Variants in SLC30A9 observed in about 807,000 individuals in gnomAD.
SLC30A9 encodes the protein proton-coupled zinc antiporter SLC30A9, mitochondrial.
SLC30A9 carries 58 observed loss-of-function variants against 87.5 expected under a neutral mutation model. That is an observed-to-expected ratio of 0.66 (90% CI 0.54 to 0.82). The LOEUF (loss-of-function observed/expected upper bound fraction) is 0.82, where lower values mean the gene tolerates loss of function less well. Ranked by LOEUF, SLC30A9 falls within the 40% of genes least tolerant of loss-of-function variation. SLC30A9 has a pLI of 0.00. For missense variants in SLC30A9, 557 were observed against 679.1 expected (o/e 0.82, Z 2.00); for synonymous variants, 234 against 233.0 (o/e 1.00, Z -0.04).
chr4:42,073,263 G>A (rs905467957), intron 15 of SLC30A9, among the ~76,000 whole-genome samples: 4 of 151,982 alleles, frequency 2.6e-5, no homozygotes, highest in African/African-American at 9.7e-5. Context: ...CATATATTTT[G>A]GTGCTCTGTT....
intron 6 of SLC30A9, chr4:42,030,207 T>G (rs902609316): frequency 1.3e-5 from 5 of 372,096 alleles, no homozygotes; most frequent in Non-Finnish European, 2.3e-5. Flanking sequence ...CAAACTGTCA[T>G]ATGTATGGGA....
chr4:42,061,038 T>C (rs1717825866), intron 10 of SLC30A9, among the ~76,000 whole-genome samples: 2 of 152,200 alleles, frequency 1.3e-5, no homozygotes, highest in African/African-American at 2.4e-5. Flanking sequence ...TTACAGTGTT[T>C]TACCATCTTA....
Position 42,029,829 on chromosome 4 carries a change from G to A in SLC30A9, c.611-5446G>A, listed in dbSNP as rs3804189. ...GACTTACCCAGTGATGAAGTATAAC[G>A]CATCTGTGTTTCCTGTTCAGTGCAC... is the stretch of plus-strand genomic sequence containing the variant. On this transcript the variant is annotated intron_variant, in intron 6 of 17. Coordinates refer to ENST00000264451, the MANE Select transcript of SLC30A9 (RefSeq NM_006345.4). The A allele has an allele frequency of 3.5e-5, 25 of 723,812 alleles. No homozygotes were observed. The East Asian group carries it at 6.4e-4, about 18-fold the overall frequency. The allele number at this position is 723,812 out of a possible 1,614,324, so 44.8% of individuals were successfully genotyped here.
At chr4:42,006,386 A>G (rs1009294570) in intron 2 of SLC30A9, among the ~76,000 whole-genome samples, 2 of 152,162 alleles carry the variant, frequency 1.3e-5, no homozygotes, top group African/African-American at 4.8e-5. Flanking sequence ...CCTTGGAGAC[A>G]TGAAAGAAAA....
chr4:42,075,047 A>T (rs1158593432), intron 15 of SLC30A9, among the ~76,000 whole-genome samples: 2 of 17,650 alleles, frequency 1.1e-4, no homozygotes, highest in Non-Finnish European at 2.3e-4. Context: ...ATATATATAT[A>T]TATATATATA....
chr4:42,021,176 A>G (rs930500623), intron 4 of SLC30A9, among the ~76,000 whole-genome samples: 1 of 152,212 alleles, frequency 6.6e-6, no homozygotes, highest in South Asian at 2.1e-4. Flanking sequence ...TAACTATTAC[A>G]TCAACAACCA....
chr4:42,048,052 G>C (rs1479655222), intron 8 of SLC30A9, among the ~76,000 whole-genome samples: 1 of 150,750 alleles, frequency 6.6e-6, no homozygotes, highest in African/African-American at 2.4e-5. Context: ...ACAGAGAGGG[G>C]AATATCACAC....
chr4:42,065,996 T>A (rs945588838), intron 12 of SLC30A9, among the ~76,000 whole-genome samples: 1 of 152,186 alleles, frequency 6.6e-6, no homozygotes, highest in Non-Finnish European at 1.5e-5. Flanking sequence ...TACTGGCTCT[T>A]GTGAGACAAA....
chr4:42,054,436 C>A (rs191336012), intron 9 of SLC30A9, among the ~76,000 whole-genome samples: 178 of 151,708 alleles, frequency 1.2e-3, no homozygotes, highest in Admixed American at 1.8e-3. Context: ...AAAATTCTCC[C>A]TATGTGGAAA....
At chr4:41,994,604 T>G (rs1714610803) in intron 1 of SLC30A9, among the ~76,000 whole-genome samples, 1 of 151,850 alleles carries the variant, frequency 6.6e-6, no homozygotes, top group Admixed American at 6.6e-5. Flanking sequence ...AAAAGTAGGC[T>G]GAGAATTTAA....
At chr4:42,068,599 A>AT (rs1718183189) in intron 14 of SLC30A9, among the ~76,000 whole-genome samples, 1 of 152,202 alleles carries the variant, frequency 6.6e-6, no homozygotes, top group African/African-American at 2.4e-5. Flanking sequence ...GTTTTGTTAT[A>AT]TGTTGTTCCC....
In SLC30A9 at chr4:42,023,371, A is replaced by G. The variant is rs767777877; in HGVS notation, c.597A>G (p.Ile199Met). 1 of 1,599,312 alleles carries G rather than the reference A, an allele frequency of 6.3e-7. No homozygotes were observed. The highest frequency in any genetic ancestry group is 2.2e-5 in the East Asian group (1 of 44,774). The change falls in exon 6 of 18, where the codon ATA (isoleucine) becomes ATG (methionine). Residue 199 changes from isoleucine to methionine, a missense_variant. Around this residue, in one of 2 missense-constraint regions of SLC30A9, gnomAD observed 467 missense variants for 529.8 expected, o/e 0.88. Transcript: ENST00000264451. ...REKKLRKEAE[I>M]EYRERLFRNQ... is the part of the protein sequence containing the mutation. ...AAAAATTGCGTAAGGAAGCAGAAAT[A>G]GAATACAGAGAAAGTAAGTATATTC... is the stretch of plus-strand genomic sequence containing the variant.
At chr4:42,002,787 A>G (rs1336557824) in intron 2 of SLC30A9, among the ~76,000 whole-genome samples, 1 of 151,880 alleles carries the variant, frequency 6.6e-6, no homozygotes, top group Non-Finnish European at 1.5e-5. Flanking sequence ...TTTGATATAC[A>G]CTCCCTGATG....
At chr4:42,067,267 T>C (rs1718116838) in intron 14 of SLC30A9, 75 bp downstream of exon 14, 1 of 909,766 alleles carries the variant, frequency 1.1e-6, no homozygotes, top group Non-Finnish European at 1.8e-6. Context: ...AATTTTCTCT[T>C]ATATCATTGA....
chr4:42,020,395 G>A, intron 3 of SLC30A9, 21 bp from the exon 4 acceptor site: 2 of 1,155,996 alleles, frequency 1.7e-6, no homozygotes. Flanking sequence ...TATTTATTAT[G>A]TTTTCCTGTT....
chr4:42,021,817 A>C (rs1715960088), intron 4 of SLC30A9, among the ~76,000 whole-genome samples: 1 of 151,274 alleles, frequency 6.6e-6, no homozygotes, highest in Non-Finnish European at 1.5e-5. Flanking sequence ...TGGCACAATC[A>C]TGGCTTACTG....
intron 14 of SLC30A9, among the ~76,000 whole-genome samples, chr4:42,069,730 C>T (rs1030104112): frequency 1.3e-4 from 20 of 152,082 alleles, no homozygotes; most frequent in African/African-American, 4.3e-4. Context: ...ATAAATATTA[C>T]CTATACATTC....
intron 6 of SLC30A9, among the ~76,000 whole-genome samples, chr4:42,026,026 G>A (rs918726600): frequency 2.0e-5 from 3 of 152,046 alleles, no homozygotes; most frequent in African/African-American, 4.8e-5. Context: ...ATTCTCAGGT[G>A]CAATCATAGT....
intron 2 of SLC30A9, among the ~76,000 whole-genome samples, chr4:42,010,019 A>C (rs2153134005): frequency 6.6e-6 from 1 of 152,346 alleles, no homozygotes; most frequent in South Asian, 2.1e-4. Flanking sequence ...AGACAAAAAT[A>C]AAATCATAAT....
Sources: allele counts gnomAD v4.1 joint callset (sites outside exome capture counted in the v4.1 genomes callset), GRCh38; gene constraint gnomAD v4.1.1; regional missense constraint gnomAD v4.1.1; transcripts MANE v1.5; gene names NCBI Gene and HGNC (gene_info 2026-07-23, HGNC 2026-07-21).